Variants in TULP4 observed in about 807,000 individuals in gnomAD.
TULP4 encodes tubby-related protein 4.
In TULP4, 16 loss-of-function variants were observed where a neutral mutation model predicts 129.0. The observed-to-expected ratio is 0.12, with a 90% CI of 0.08 to 0.19. TULP4 has a LOEUF of 0.19. Ranked by LOEUF, TULP4 falls within the 10% of genes least tolerant of loss-of-function variation. The pLI is 1.00. For synonymous variants in TULP4, 998 were observed against 854.0 expected (o/e 1.17, Z -2.94); for missense variants, 1,842 against 2,059.1 (o/e 0.89, Z 2.04).
intron 6 of TULP4, among the ~76,000 whole-genome samples, chr6:158,473,464 G>T (rs983894432): frequency 2.6e-5 from 4 of 152,190 alleles, no homozygotes; most frequent in African/African-American, 9.7e-5. Flanking sequence ...ATTCAAAATT[G>T]TCTGTGGCTC....
rs1380624188 is a variant in TULP4 at position 158,240,840 on chromosome 6, G to T, written n.68+8537G>T. On this transcript the variant is annotated intron_variant and non_coding_transcript_variant, in intron 1 of 1. Transcript: ENST00000620026. ...CCCGGATGGCATGGCTGGCTGGGCGGGGGGGCTGACCCCCCACCTCCCTCC... is the reference window on the plus strand; with the variant it reads ...CCCGGATGGCATGGCTGGCTGGGCGTGGGGGCTGACCCCCCACCTCCCTCC... Among the ~76,000 whole-genome samples the T allele has an allele frequency of 3.3e-5, 5 of 150,684 alleles. No homozygotes were observed. The East Asian group carries it at 1.0e-3, about 31-fold the overall frequency.
chr6:158,498,364 G>A (rs913217672), intron 11 of TULP4, among the ~76,000 whole-genome samples: 1 of 152,188 alleles, frequency 6.6e-6, no homozygotes, highest in African/African-American at 2.4e-5. Context: ...TATTCCAAAA[G>A]AAATGATTTG....
intron 1 of TULP4, chr6:158,237,240 A>G: frequency 1.2e-6 from 1 of 819,360 alleles, no homozygotes; most frequent in Non-Finnish European, 2.0e-6. Flanking sequence ...GGAGATGAAG[A>G]GGGAGCAGTT....
intron 2 of TULP4, among the ~76,000 whole-genome samples, chr6:158,423,103 C>A (rs1222883284): frequency 7.1e-6 from 1 of 139,930 alleles, no homozygotes; most frequent in Non-Finnish European, 1.5e-5. Flanking sequence ...ACAGCAAGAC[C>A]CCTTCCTCCA....
chr6:158,437,318 T>G (rs1010358886), intron 3 of TULP4, among the ~76,000 whole-genome samples: 1 of 152,148 alleles, frequency 6.6e-6, no homozygotes, highest in Non-Finnish European at 1.5e-5. Context: ...TCTTAGCACT[T>G]TGGGAGGCCA....
chr6:158,346,088 T>C (rs1006119770), intron 1 of TULP4, among the ~76,000 whole-genome samples: 1 of 152,220 alleles, frequency 6.6e-6, no homozygotes, highest in Admixed American at 6.5e-5. Flanking sequence ...TCAGATCTTA[T>C]GGTTGTCTTC....
chr6:158,333,742 A>G (rs528873069), intron 1 of TULP4, among the ~76,000 whole-genome samples: 1 of 152,344 alleles, frequency 6.6e-6, no homozygotes, highest in East Asian at 1.9e-4. Context: ...ACGTGTCATG[A>G]ATGCATAAAA....
intron 1 of TULP4, among the ~76,000 whole-genome samples, chr6:158,322,786 C>G (rs189603568): frequency 6.6e-6 from 1 of 152,146 alleles, no homozygotes; most frequent in Admixed American, 6.5e-5. Context: ...CAGCTTATAC[C>G]TCATGGAATC....
At chr6:158,501,294 G>A (rs1377544748) in intron 12 of TULP4, among the ~76,000 whole-genome samples, 1 of 152,172 alleles carries the variant, frequency 6.6e-6, no homozygotes, top group East Asian at 1.9e-4. Flanking sequence ...AGTCCTCAAT[G>A]GAGGTTTTTC....
intron 11 of TULP4, among the ~76,000 whole-genome samples, chr6:158,495,168 T>C (rs1329809736): frequency 6.6e-6 from 1 of 151,946 alleles, no homozygotes; most frequent in African/African-American, 2.4e-5. Context: ...TCCTCCTGCC[T>C]CAGCCCCCAA....
At chr6:158,480,982 G>T in intron 7 of TULP4, 73 bp from the exon 8 acceptor site, 1 of 1,392,512 alleles carries the variant, frequency 7.2e-7, no homozygotes, top group Non-Finnish European at 9.7e-7. Context: ...ACCTGCCCCC[G>T]TGCCCACTCT....
Position 158,506,574 on chromosome 6 carries a change from C to T in TULP4, c.4516-4C>T. 1 of 1,589,916 alleles carries T rather than the reference C, an allele frequency of 6.3e-7. No homozygotes were observed. The highest frequency in any genetic ancestry group is 8.6e-7 in the Non-Finnish European group (1 of 1,158,002). ...ATGTCTTTGCTTCCCCTGCCCTCCT[C>T]CAGGTGATGCAGTTTGGACGGATTG... On this transcript the variant is annotated splice_polypyrimidine_tract_variant and splice_region_variant and intron_variant, in intron 13 of 13. Coordinates refer to ENST00000367097, the MANE Select transcript of TULP4 (RefSeq NM_020245.5).
chr6:158,330,509 A>G (rs1779853259), intron 1 of TULP4, among the ~76,000 whole-genome samples: 1 of 152,192 alleles, frequency 6.6e-6, no homozygotes, highest in South Asian at 2.1e-4. Flanking sequence ...CTCTTGTTAT[A>G]TATGTAAGGT....
Position 158,504,070 on chromosome 6 carries a change from C to T in TULP4, c.4407C>T (p.Asn1469=). 1 of 1,608,418 alleles carries T rather than the reference C, an allele frequency of 6.2e-7. No homozygotes were observed. Among genetic ancestry groups the T allele is most frequent in the Non-Finnish European group, 8.5e-7 (1 of 1,177,672 alleles). The change falls in exon 13 of 14, where the codon AAC becomes AAT. Residue 1469 remains asparagine (N), a synonymous_variant. Coordinates refer to ENST00000367097, the MANE Select transcript of TULP4 (RefSeq NM_020245.5). ...GSQGFVYVMA[N]KQPLWNEATQ... is the part of the protein sequence containing the mutation. Reference sequence around the variant, plus strand: ...AAGGCTTCGTGTACGTGATGGCCAACAAGCAGCCGCTGTGGAACGAGGCCA... The same window carrying T: ...AAGGCTTCGTGTACGTGATGGCCAATAAGCAGCCGCTGTGGAACGAGGCCA...
chr6:158,251,464 A>T (rs1562494785), intron 1 of TULP4, among the ~76,000 whole-genome samples: 1 of 151,910 alleles, frequency 6.6e-6, no homozygotes, highest in Non-Finnish European at 1.5e-5. Flanking sequence ...AATATAAACT[A>T]TTTTTTATAT....
intron 3 of TULP4, among the ~76,000 whole-genome samples, chr6:158,448,092 G>A (rs909483504): frequency 5.3e-5 from 8 of 152,208 alleles, no homozygotes. Flanking sequence ...CAGGGGGGAT[G>A]TTCAGCAGCT....
At position 158,494,626 on chromosome 6, in the gene TULP4, G is replaced by A. The variant is rs563339798; in HGVS notation, c.1777-127G>A. On this transcript the variant is annotated intron_variant, in intron 10 of 13. Coordinates refer to ENST00000367097, the MANE Select transcript of TULP4 (RefSeq NM_020245.5). ...ATCTTGCAAATGGTAGATGAGGTAG[G>A]GAATGGGTGTTTCTTGCAGTGCACA... 24 of 812,018 alleles carry A rather than the reference G, an allele frequency of 3.0e-5. No homozygotes were observed. In the Middle Eastern group the frequency reaches 1.9e-3, roughly 64 times the overall value. 50.3% of individuals were successfully genotyped at this position (812,018 alleles called of 1,614,324 possible).
chr6:158,341,912 C>T (rs56326208), intron 1 of TULP4, among the ~76,000 whole-genome samples: 26,315 of 152,108 alleles, frequency 0.17, 2,707 homozygotes, highest in Middle Eastern at 0.26. Flanking sequence ...AGCTTTTTAG[C>T]TTGATGTGAT....
intron 1 of TULP4, among the ~76,000 whole-genome samples, chr6:158,247,357 T>TGA (rs1427843209): frequency 6.6e-6 from 1 of 152,252 alleles, no homozygotes; most frequent in Admixed American, 6.5e-5. Flanking sequence ...TATGAAGTCT[T>TGA]ACAGCTTTTA....
Sources: gnomAD v4.1 joint callset for allele counts (sites outside exome capture counted in the v4.1 genomes callset) on GRCh38, gnomAD v4.1.1 for gene constraint, MANE v1.5 for transcripts, NCBI Gene and HGNC (gene_info 2026-07-23, HGNC 2026-07-21) for gene names.